KCNIP4: variants seen among roughly 807,000 people sequenced by gnomAD.
The protein encoded by KCNIP4 is potassium voltage-gated channel interacting protein 4.
Under a neutral mutation model 34.0 loss-of-function variants are expected in KCNIP4, and 12 were observed. The observed-to-expected ratio is 0.35, with a 90% CI of 0.23 to 0.57. KCNIP4 has a LOEUF of 0.57. Ranked by LOEUF, KCNIP4 falls within the 20% of genes least tolerant of loss-of-function variation. KCNIP4 has a pLI of 0.83. For synonymous variants in KCNIP4, 124 were observed against 102.2 expected (o/e 1.21, Z -1.29); for missense variants, 238 against 311.7 (o/e 0.76, Z 1.78).
chr4:21,825,313 C>T (rs1722610489), intron 1 of KCNIP4, among the ~76,000 whole-genome samples: 1 of 151,760 alleles, frequency 6.6e-6, no homozygotes, highest in Admixed American at 6.6e-5. Context: ...CCAGCTCTGA[C>T]ATTTATTTTT....
intron 1 of KCNIP4, among the ~76,000 whole-genome samples, chr4:21,403,014 T>C (rs1723670992): frequency 1.3e-5 from 2 of 152,174 alleles, no homozygotes; most frequent in South Asian, 4.1e-4. Flanking sequence ...GAGACTGTGG[T>C]CTACACCACT....
chr4:20,807,637 G>T (rs533900274), intron 3 of KCNIP4, among the ~76,000 whole-genome samples: 1 of 152,240 alleles, frequency 6.6e-6, no homozygotes, highest in African/African-American at 2.4e-5. Flanking sequence ...ATTATGAGAT[G>T]AAAGCACAAA....
At chr4:21,721,143 C>T (rs547757889) in intron 1 of KCNIP4, among the ~76,000 whole-genome samples, 3 of 152,204 alleles carry the variant, frequency 2.0e-5, no homozygotes, top group Admixed American at 6.5e-5. Context: ...CTAACTCCAA[C>T]GTTTACATAG....
At chr4:21,739,846 T>A (rs1716279883) in intron 1 of KCNIP4, among the ~76,000 whole-genome samples, 1 of 152,082 alleles carries the variant, frequency 6.6e-6, no homozygotes. Context: ...AAGAAAACAA[T>A]GAATAAATAA....
intron 1 of KCNIP4, among the ~76,000 whole-genome samples, chr4:21,815,952 T>TA (rs1008024780): frequency 2.6e-5 from 4 of 152,222 alleles, no homozygotes; most frequent in African/African-American, 9.6e-5. Context: ...TATTTACCAA[T>TA]AAAAAAAGTT....
intron 1 of KCNIP4, among the ~76,000 whole-genome samples, chr4:21,413,395 T>C (rs1010937358): frequency 6.6e-6 from 1 of 152,190 alleles, no homozygotes; most frequent in Admixed American, 6.6e-5. Context: ...TAAATGCTTT[T>C]AATTGCTTAA....
intron 1 of KCNIP4, among the ~76,000 whole-genome samples, chr4:20,959,506 T>C (rs149883182): frequency 2.6e-5 from 4 of 152,210 alleles, no homozygotes; most frequent in Non-Finnish European, 5.9e-5. Flanking sequence ...AGGAGACTGA[T>C]TATTAAAATT....
intron 1 of KCNIP4, among the ~76,000 whole-genome samples, chr4:21,760,914 C>T (rs1323775071): frequency 6.6e-6 from 1 of 152,038 alleles, no homozygotes; most frequent in African/African-American, 2.4e-5. Flanking sequence ...AACAGATATT[C>T]ATTCACCAAC....
At chr4:21,306,455 C>G (rs971378421) in intron 1 of KCNIP4, among the ~76,000 whole-genome samples, 5 of 152,292 alleles carry the variant, frequency 3.3e-5, no homozygotes, top group African/African-American at 1.2e-4. Context: ...CAGCTCACTA[C>G]AGCCTTAACC....
chr4:21,048,594 G>A (rs1577595753), intron 1 of KCNIP4, among the ~76,000 whole-genome samples: 2 of 152,256 alleles, frequency 1.3e-5, no homozygotes, highest in East Asian at 3.9e-4. Flanking sequence ...ATGCCAATAA[G>A]ATCAAGTAGA....
intron 1 of KCNIP4, chr4:21,697,562 A>T: frequency 7.1e-7 from 1 of 1,413,716 alleles, no homozygotes; most frequent in Non-Finnish European, 9.1e-7. Context: ...GCTGCCTTAC[A>T]ACTCCTGTGG....
At chr4:21,350,179 A>G (rs1717869242) in intron 1 of KCNIP4, among the ~76,000 whole-genome samples, 1 of 152,192 alleles carries the variant, frequency 6.6e-6, no homozygotes, top group Non-Finnish European at 1.5e-5. Flanking sequence ...TGGTATGAAC[A>G]TACCAGGTTA....
intron 1 of KCNIP4, among the ~76,000 whole-genome samples, chr4:21,387,476 T>A (rs916475687): frequency 6.6e-6 from 1 of 152,196 alleles, no homozygotes; most frequent in African/African-American, 2.4e-5. Flanking sequence ...TCTCTCTTCA[T>A]GAAACTTGGT....
intron 1 of KCNIP4, among the ~76,000 whole-genome samples, chr4:21,219,086 A>G (rs558079559): frequency 6.6e-6 from 1 of 152,328 alleles, no homozygotes; most frequent in African/African-American, 2.4e-5. Flanking sequence ...AAATGACCAC[A>G]AAAGCAACAA....
At chr4:20,890,814 G>A (rs1725838199) in intron 1 of KCNIP4, among the ~76,000 whole-genome samples, 1 of 152,144 alleles carries the variant, frequency 6.6e-6, no homozygotes, top group Non-Finnish European at 1.5e-5. Flanking sequence ...CAATTGGAAA[G>A]GTTTTATCTT....
At chr4:20,861,055 C>T (rs1560522618) in intron 2 of KCNIP4, among the ~76,000 whole-genome samples, 1 of 152,090 alleles carries the variant, frequency 6.6e-6, no homozygotes, top group Non-Finnish European at 1.5e-5. Flanking sequence ...GCATGATAAT[C>T]AGCTGAGGAA....
chr4:21,169,112 C>T (rs2109290624), intron 1 of KCNIP4, among the ~76,000 whole-genome samples: 2 of 152,266 alleles, frequency 1.3e-5, no homozygotes, highest in South Asian at 4.1e-4. Flanking sequence ...CCTATAGCTA[C>T]AGCTTTGAAC....
intron 1 of KCNIP4, among the ~76,000 whole-genome samples, chr4:21,210,327 C>G (rs558601469): frequency 6.6e-5 from 10 of 152,254 alleles, no homozygotes; most frequent in African/African-American, 2.4e-4. Flanking sequence ...ACCCAGTGTT[C>G]TCATCTGCAT....
intron 1 of KCNIP4, among the ~76,000 whole-genome samples, chr4:21,486,416 G>T (rs961606186): frequency 3.9e-5 from 6 of 152,154 alleles, no homozygotes; most frequent in Non-Finnish European, 8.8e-5. Flanking sequence ...GAACCTAGAA[G>T]ATGAGATATA....
Sources: gnomAD v4.1 joint callset for allele counts (sites outside exome capture counted in the v4.1 genomes callset) on GRCh38, gnomAD v4.1.1 for gene constraint, MANE v1.5 for transcripts, NCBI Gene and HGNC (gene_info 2026-07-23, HGNC 2026-07-21) for gene names.